The following PANK2 variants were observed in gnomAD, a reference collection of about 807,000 sequenced individuals.
PANK2 encodes the protein pantothenate kinase 2, mitochondrial.
PANK2 carries 36 observed loss-of-function variants against 43.1 expected under a neutral mutation model. The ratio of observed to expected loss-of-function variants is 0.84; its 90% CI spans 0.64 to 1.10. The LOEUF (loss-of-function observed/expected upper bound fraction) is 1.10, where lower values mean the gene tolerates loss of function less well. PANK2 is among the 50% of genes least tolerant of loss of function. The pLI, the probability that PANK2 is intolerant of heterozygous loss-of-function variation, is 0.00. For missense variants in PANK2, 576 were observed against 593.3 expected (o/e 0.97, Z 0.30); for synonymous variants, 281 against 238.2 (o/e 1.18, Z -1.66).
chr20:3,892,673 CA>C (rs763721845), intron 1 of PANK2, among the ~76,000 whole-genome samples: 303 of 104,328 alleles, frequency 2.9e-3, no homozygotes, highest in Non-Finnish European at 3.1e-3. Context: ...GACTCTGTCT[CA>C]AAAAAAAAAA....
In PANK2 at chr20:3,922,461, G is replaced by C. The variant is rs145078726; in HGVS notation, c.1333-783G>C. On this transcript the variant is annotated intron_variant, in intron 6 of 6. Coordinates refer to ENST00000610179, the MANE Select transcript of PANK2 (RefSeq NM_001386393.1). ...GAGGGCTGAGGGCTGCCCTCCCTCG[G>C]GAGCCTCCGTGCTTCCTCAGGCTTT... Among the ~76,000 whole-genome samples the C allele has an allele frequency of 5.2e-3, 793 of 152,228 alleles. 6 individuals carry two copies. The highest frequency in any genetic ancestry group is 0.017 in the African/African-American group (711 of 41,526).
At chr20:3,916,157 TA>T (rs1220981322) in intron 4 of PANK2, among the ~76,000 whole-genome samples, 2 of 152,244 alleles carry the variant, frequency 1.3e-5, no homozygotes, top group African/African-American at 4.8e-5. Flanking sequence ...GTACAGGTGT[TA>T]ATACTTTTGT....
At chr20:3,896,101 G>A (rs1032718406) in intron 1 of PANK2, among the ~76,000 whole-genome samples, 4 of 150,530 alleles carry the variant, frequency 2.7e-5, no homozygotes, top group African/African-American at 4.9e-5. Context: ...TTGCTCTGTC[G>A]CCCAGGCTGG....
At chr20:3,898,130 G>C (rs182507620) in intron 1 of PANK2, among the ~76,000 whole-genome samples, 1 of 152,206 alleles carries the variant, frequency 6.6e-6, no homozygotes, top group East Asian at 1.9e-4. Flanking sequence ...AGCCATTGCT[G>C]CATTACTGAG....
intron 4 of PANK2, among the ~76,000 whole-genome samples, chr20:3,914,933 T>C (rs2090534404): frequency 6.6e-6 from 1 of 152,230 alleles, no homozygotes. Flanking sequence ...ATGTGTTTAC[T>C]GGCCATCTGT....
chr20:3,889,372 C>G (rs757651957), upstream of PANK2: 13 of 1,575,270 alleles, frequency 8.3e-6, no homozygotes, highest in African/African-American at 2.7e-5. Context: ...GGCGGCCGGC[C>G]GAGGGCGCGC....
intron 1 of PANK2, among the ~76,000 whole-genome samples, chr20:3,907,695 T>A (rs1268045379): frequency 1.3e-5 from 2 of 152,164 alleles, no homozygotes; most frequent in Non-Finnish European, 2.9e-5. Context: ...GACAGAATGG[T>A]TGGGTTGGCT....
chr20:3,905,630 A>G (rs2090373546), intron 1 of PANK2, among the ~76,000 whole-genome samples: 1 of 151,448 alleles, frequency 6.6e-6, no homozygotes, highest in South Asian at 2.1e-4. Context: ...TACAGGCGTG[A>G]GCCACCACAC....
intron 1 of PANK2, among the ~76,000 whole-genome samples, chr20:3,907,095 C>T (rs954311319): frequency 7.4e-6 from 1 of 134,432 alleles, no homozygotes; most frequent in Non-Finnish European, 1.6e-5. Flanking sequence ...GTGCCCAGCC[C>T]TGCCTTTTTT....
At chr20:3,910,185 C>T (rs1301683290) in intron 2 of PANK2, among the ~76,000 whole-genome samples, 1 of 152,178 alleles carries the variant, frequency 6.6e-6, no homozygotes, top group East Asian at 1.9e-4. Flanking sequence ...GGCTCCCACC[C>T]TGTGTCACAA....
intron 5 of PANK2, among the ~76,000 whole-genome samples, chr20:3,918,305 T>C (rs750100676): frequency 1.1e-4 from 16 of 152,228 alleles, no homozygotes; most frequent in Non-Finnish European, 2.1e-4. Flanking sequence ...CTGCCTGTTA[T>C]ATTGCTTGTA....
Position 3,894,530 on chromosome 20 carries a change from G to A in PANK2, c.298+4802G>A, listed in dbSNP as rs944530933. 3.9e-5 allele frequency among the ~76,000 whole-genome samples: 6 copies of A among 152,070 alleles called. No homozygotes were observed. The East Asian group carries it at 7.7e-4, about 20-fold the overall frequency. ...GCTGGGATTACAGGTGTGAGCCACC[G>A]CACCTGGCCTGAAGGTGTTTTTTAA... On this transcript the variant is annotated intron_variant, in intron 1 of 6. Transcript: ENST00000610179.
At chr20:3,891,078 C>G (rs925212941) in intron 1 of PANK2, among the ~76,000 whole-genome samples, 2 of 152,124 alleles carry the variant, frequency 1.3e-5, no homozygotes, top group African/African-American at 4.8e-5. Flanking sequence ...GAGACAGCGT[C>G]TTGTTCTGTT....
At chr20:3,910,555 G>T (rs374525732) in intron 2 of PANK2, 22 bp from the exon 3 acceptor site, 1 of 1,613,866 alleles carries the variant, frequency 6.2e-7, no homozygotes. Context: ...AAAAGTCTGA[G>T]TACATTCTTA....
At chr20:3,911,229 A>G (rs975269305) in intron 3 of PANK2, among the ~76,000 whole-genome samples, 7 of 152,224 alleles carry the variant, frequency 4.6e-5, no homozygotes, top group African/African-American at 1.4e-4. Flanking sequence ...TATTCTATGT[A>G]TGTGATTTAG....
In PANK2 at chr20:3,890,560, C is replaced by T. The variant is rs544325438; in HGVS notation, c.298+832C>T. ...GTTGAAAGTATCAATTGTCCTGATA[C>T]TGTAATATGAGCTTTACAGTGTGAT... On this transcript the variant is annotated intron_variant, in intron 1 of 6. Transcript: ENST00000610179. 4.6e-5 allele frequency among the ~76,000 whole-genome samples: 7 copies of T among 152,334 alleles called. No individual in the cohort carries two copies. In the South Asian group the frequency reaches 1.5e-3, roughly 32 times the overall value.
intron 1 of PANK2, among the ~76,000 whole-genome samples, chr20:3,897,246 C>T (rs2090224210): frequency 6.6e-6 from 1 of 152,162 alleles, no homozygotes; most frequent in Non-Finnish European, 1.5e-5. Flanking sequence ...TTGTGCTTTG[C>T]ATACGTTTTG....
In PANK2 at chr20:3,911,048, C is replaced by T. The variant is rs908148293; in HGVS notation, c.905+218C>T. Among the ~76,000 whole-genome samples, 4 of 152,176 alleles carry T rather than the reference C, an allele frequency of 2.6e-5. No individual in the cohort carries two copies. In the South Asian group the frequency reaches 6.2e-4, roughly 24 times the overall value. The stretch of plus-strand genomic sequence containing the variant: ...ATCCTAGGTGTTTCTTAAAAGATCA[C>T]ATCAGCAGACTCATTGTAGCCTTTG... On this transcript the variant is annotated intron_variant, in intron 3 of 6. Coordinates refer to ENST00000610179, the MANE Select transcript of PANK2 (RefSeq NM_001386393.1).
At chr20:3,913,052 T>G (rs972414043) in intron 4 of PANK2, among the ~76,000 whole-genome samples, 144 of 152,200 alleles carry the variant, frequency 9.5e-4, no homozygotes, top group African/African-American at 3.3e-3. Flanking sequence ...TACAATTTAG[T>G]GGTTTCTAGT....
Sources: gnomAD v4.1 joint callset for allele counts (sites outside exome capture counted in the v4.1 genomes callset) on GRCh38, gnomAD v4.1.1 for gene constraint, MANE v1.5 for transcripts, NCBI Gene and HGNC (gene_info 2026-07-23, HGNC 2026-07-21) for gene names.